Variants in XPO7 observed in about 807,000 individuals in gnomAD.
The protein encoded by XPO7 is exportin-7.
A neutral mutation model predicts 144.3 loss-of-function variants in XPO7; 21 were observed. The ratio of observed to expected loss-of-function variants is 0.15; its 90% CI spans 0.10 to 0.21. XPO7 has a LOEUF of 0.21. Ranked by LOEUF, XPO7 falls within the 10% of genes least tolerant of loss-of-function variation. The pLI is 1.00. For synonymous variants in XPO7, 580 were observed against 499.6 expected, an observed-to-expected ratio of 1.16 and a Z score of -2.15; for missense variants, 808 against 1,325.8, an observed-to-expected ratio of 0.61 and a Z score of 6.06.
At position 22,005,245 on chromosome 8, in the gene XPO7, G is replaced by A; in HGVS notation, c.*157G>A. 1.9e-6 allele frequency: 1 copy of A among 528,082 alleles called. No individual in the cohort carries two copies. Among genetic ancestry groups the A allele is most frequent in the Non-Finnish European group, 3.3e-6 (1 of 304,150 alleles). The allele number at this position is 528,082 out of a possible 1,614,324, so 32.7% of individuals were successfully genotyped here. A position where few individuals can be genotyped will look rare whatever the true frequency, so the allele number is the denominator to read the frequency against. ...CAACTAGCTGCTTCCCCAGGGAATA[G>A]GGGTGTGAGTACACTCACTAGGGGG... is the stretch of plus-strand genomic sequence containing the variant. On this transcript the variant is annotated 3_prime_UTR_variant, in exon 28 of 28. Coordinates refer to ENST00000252512, the MANE Select transcript of XPO7 (RefSeq NM_015024.5).
intron 1 of XPO7, chr8:21,921,334 TAA>T (rs1471769023): frequency 6.6e-6 from 1 of 152,168 alleles, no homozygotes; most frequent in South Asian, 2.1e-4. Flanking sequence ...AAGGTAAGTC[TAA>T]GTGTCCCAAA....
chr8:21,919,839 A>C, intron 1 of XPO7, 51 bp downstream of exon 1: 1 of 349,644 alleles, frequency 2.9e-6, no homozygotes, highest in Non-Finnish European at 5.0e-6. Context: ...CGGCGAGTGG[A>C]GTCGGGGGTG....
At chr8:21,990,428 T>C in intron 17 of XPO7, 21 bp downstream of exon 17, 1 of 1,613,110 alleles carries the variant, frequency 6.2e-7, no homozygotes, top group South Asian at 1.1e-5. Flanking sequence ...TTAGCTTTTT[T>C]TCCTGGCCCT....
intron 1 of XPO7, among the ~76,000 whole-genome samples, chr8:21,948,870 CA>C (rs1469853208): frequency 6.6e-6 from 1 of 152,132 alleles, no homozygotes; most frequent in Non-Finnish European, 1.5e-5. Flanking sequence ...GGGATTATTT[CA>C]AATAAACCAT....
At chr8:21,975,647 C>G (rs1442432082) in intron 6 of XPO7, among the ~76,000 whole-genome samples, 1 of 152,130 alleles carries the variant, frequency 6.6e-6, no homozygotes, top group Non-Finnish European at 1.5e-5. Context: ...CCAAATAATC[C>G]TCAGGTTAAG....
At chr8:21,949,013 G>A (rs770743590) in intron 1 of XPO7, among the ~76,000 whole-genome samples, 4 of 152,122 alleles carry the variant, frequency 2.6e-5, no homozygotes, top group South Asian at 2.1e-4. Context: ...GGCAGCAATC[G>A]CAAGTTACGG....
intron 1 of XPO7, among the ~76,000 whole-genome samples, chr8:21,961,951 C>T (rs971229588): frequency 6.6e-6 from 1 of 152,236 alleles, no homozygotes; most frequent in African/African-American, 2.4e-5. Flanking sequence ...GCATGAGCCA[C>T]CACGCCCTGC....
At chr8:21,987,689 C>A in intron 14 of XPO7, 95 bp from the exon 15 acceptor site, 2 of 1,357,592 alleles carry the variant, frequency 1.5e-6, no homozygotes, top group Non-Finnish European at 2.1e-6. Context: ...TGTCCATTTT[C>A]TTCCACATCT....
chr8:21,932,113 A>G (rs954081230), intron 1 of XPO7, among the ~76,000 whole-genome samples: 1 of 152,050 alleles, frequency 6.6e-6, no homozygotes, highest in Non-Finnish European at 1.5e-5. Context: ...ACCTCAGGTG[A>G]TCCGCACGCC....
chr8:21,994,333 A>T (rs764684523), intron 19 of XPO7, 30 bp from the exon 20 acceptor site: 1 of 1,579,216 alleles, frequency 6.3e-7, no homozygotes, highest in Non-Finnish European at 8.7e-7. Context: ...CTTTTCTTCT[A>T]TTTTAACACA....
chr8:21,972,420 C>T (rs948916268), intron 5 of XPO7, among the ~76,000 whole-genome samples: 4 of 151,994 alleles, frequency 2.6e-5, no homozygotes, highest in Admixed American at 1.3e-4. Flanking sequence ...GAGGTTGCAG[C>T]GAGCCAAGAT....
At chr8:21,996,965 C>T (rs1812970919) in intron 21 of XPO7, among the ~76,000 whole-genome samples, 1 of 152,074 alleles carries the variant, frequency 6.6e-6, no homozygotes, top group Non-Finnish European at 1.5e-5. Flanking sequence ...TGCGCCACCA[C>T]GCCCGGCTAA....
intron 1 of XPO7, among the ~76,000 whole-genome samples, chr8:21,933,148 T>C (rs1392473976): frequency 1.4e-5 from 2 of 145,176 alleles, no homozygotes; most frequent in Non-Finnish European, 3.0e-5. Flanking sequence ...TCGCCCAGGC[T>C]GGAGTACAGT....
intron 1 of XPO7, among the ~76,000 whole-genome samples, chr8:21,920,108 C>T (rs958524350): frequency 2.3e-4 from 35 of 151,900 alleles, no homozygotes; most frequent in African/African-American, 7.7e-4. Context: ...TCCGTCAAGT[C>T]CTCGGGCCCC....
intron 1 of XPO7, among the ~76,000 whole-genome samples, chr8:21,960,272 T>C (rs904996830): frequency 1.6e-4 from 25 of 152,186 alleles, no homozygotes; most frequent in Non-Finnish European, 3.1e-4. Context: ...AAACCAAAAA[T>C]GACTGTGGGC....
At chr8:21,987,109 T>C (rs933396592) in intron 13 of XPO7, 32 bp from the exon 14 acceptor site, 3 of 1,612,738 alleles carry the variant, frequency 1.9e-6, no homozygotes, top group African/African-American at 2.7e-5. Flanking sequence ...GATGTCCTGC[T>C]GTTGAGAGAA....
rs1260973596 is a variant in XPO7 at position 21,984,567 on chromosome 8, G to T, written c.1278-79G>T. On this transcript the variant is annotated intron_variant, in intron 11 of 27. Transcript: ENST00000252512. ...CAGTCAGAAATGGTGGCTAAGTGAA[G>T]AAGTCAGAGAGCTGCTATATTGGGC... The T allele has an allele frequency of 4.5e-5, 60 of 1,320,182 alleles. No homozygotes were observed. In the East Asian group the frequency reaches 1.4e-3, roughly 30 times the overall value. The allele number at this position is 1,320,182 out of a possible 1,614,324, so 81.8% of individuals were successfully genotyped here. A position where few individuals can be genotyped will look rare whatever the true frequency, so the allele number is the denominator to read the frequency against.
At chr8:21,963,666 G>A (rs1406944629) in intron 1 of XPO7, among the ~76,000 whole-genome samples, 2 of 149,886 alleles carry the variant, frequency 1.3e-5, no homozygotes, top group East Asian at 2.0e-4. Flanking sequence ...CTGCACTCCA[G>A]CCTGGGCGAC....
chr8:21,966,334 G>A, intron 1 of XPO7: 1 of 779,968 alleles, frequency 1.3e-6, no homozygotes, highest in Admixed American at 1.7e-5. Context: ...ACATCTTGAA[G>A]CTTTCTCTAG....
Sources: allele counts gnomAD v4.1 joint callset (sites outside exome capture counted in the v4.1 genomes callset), GRCh38; gene constraint gnomAD v4.1.1; transcripts MANE v1.5; gene names NCBI Gene and HGNC (gene_info 2026-07-23, HGNC 2026-07-21).